Variants in ITGA8 observed in about 807,000 individuals in gnomAD.
ITGA8 encodes integrin alpha-8.
A neutral mutation model predicts 142.3 loss-of-function variants in ITGA8; 91 were observed. The ratio of observed to expected loss-of-function variants is 0.64; its 90% CI spans 0.54 to 0.76. ITGA8 has a LOEUF of 0.76. ITGA8 is among the 30% of genes least tolerant of loss of function. The pLI is 0.00. For missense variants in ITGA8, 1,406 were observed against 1,327.7 expected (o/e 1.06, Z -0.92); for synonymous variants, 505 against 485.2 (o/e 1.04, Z -0.54).
chr10:15,639,624 G>A (rs907985537), intron 13 of ITGA8, among the ~76,000 whole-genome samples: 3 of 152,224 alleles, frequency 2.0e-5, no homozygotes, highest in Non-Finnish European at 2.9e-5. Context: ...CTCTGCATCA[G>A]GATCTGCAAT....
chr10:15,531,326 C>T lies in ITGA8; in HGVS notation c.2881-175G>A, dbSNP rs1588627250. Among the ~76,000 whole-genome samples the T allele has an allele frequency of 2.0e-5, 3 of 152,172 alleles. No individual in the cohort carries two copies. The South Asian group carries it at 6.2e-4, about 32-fold the overall frequency. On this transcript the variant is annotated intron_variant, in intron 27 of 29. Transcript: ENST00000378076. ...CCCACCCAAGCATTCATCCATCCAC[C>T]CACACATCCATGCATCCATGCATCC...
Position 15,531,041 on chromosome 10 carries a change from G to C in ITGA8, c.2982+9C>G. 1 of 1,284,286 alleles carries C rather than the reference G, an allele frequency of 7.8e-7. No homozygotes were observed. The allele number at this position is 1,284,286 out of a possible 1,614,324, so 79.6% of individuals were successfully genotyped here. A position where few individuals can be genotyped will look rare whatever the true frequency, so the allele number is the denominator to read the frequency against. On this transcript the variant is annotated intron_variant, in intron 28 of 29. Transcript: ENST00000378076. The stretch of plus-strand genomic sequence containing the variant: ...TTATTTGTGCCTATATATATTTAAA[G>C]ATACTCACTACTATGCTTCCTTCTG...
chr10:15,608,592 T>C (rs186154931), intron 15 of ITGA8, among the ~76,000 whole-genome samples: 47 of 152,176 alleles, frequency 3.1e-4, no homozygotes, highest in African/African-American at 1.1e-3. Context: ...TGAATACAGG[T>C]CAGTATCTTC....
chr10:15,652,349 G>A (rs1278964039), intron 11 of ITGA8, among the ~76,000 whole-genome samples: 7 of 152,166 alleles, frequency 4.6e-5, no homozygotes, highest in Non-Finnish European at 8.8e-5. Context: ...AGAACACATG[G>A]AATGAATCCG....
At chr10:15,666,171 G>C (rs1266784336) in intron 8 of ITGA8, among the ~76,000 whole-genome samples, 1 of 152,086 alleles carries the variant, frequency 6.6e-6, no homozygotes, top group Non-Finnish European at 1.5e-5. Flanking sequence ...TCTTCCATTT[G>C]TTTGTATCCT....
intron 23 of ITGA8, among the ~76,000 whole-genome samples, chr10:15,581,679 T>C (rs1834409483): frequency 6.6e-6 from 1 of 152,208 alleles, no homozygotes; most frequent in South Asian, 2.1e-4. Context: ...AACATAGTTT[T>C]ATAGAAGATA....
chr10:15,642,827 G>T (rs550916744), intron 13 of ITGA8, among the ~76,000 whole-genome samples: 2 of 152,282 alleles, frequency 1.3e-5, no homozygotes, highest in South Asian at 4.1e-4. Context: ...CCAAAGGCCT[G>T]AAATTAATGA....
Position 15,637,133 on chromosome 10 carries a change from A to G in ITGA8, c.1399+6897T>C, listed in dbSNP as rs557797126. Among the ~76,000 whole-genome samples, 66 of 152,332 alleles carry G rather than the reference A, an allele frequency of 4.3e-4. No individual in the cohort carries two copies. In the South Asian group the frequency reaches 0.014, roughly 32 times the overall value. On this transcript the variant is annotated intron_variant, in intron 13 of 29. Transcript: ENST00000378076. ...GCACTCCAACCTGGGCGATAGAGTG[A>G]GACTCTGTCTCTAAATCAGATTTTA...
At chr10:15,601,791 A>T (rs1833109123) in intron 20 of ITGA8, among the ~76,000 whole-genome samples, 1 of 152,208 alleles carries the variant, frequency 6.6e-6, no homozygotes, top group Admixed American at 6.5e-5. Context: ...TTACAATCAG[A>T]TAATGCCTAA....
chr10:15,657,170 TGAG>T (rs1337809140), intron 10 of ITGA8, among the ~76,000 whole-genome samples: 2 of 152,210 alleles, frequency 1.3e-5, no homozygotes, highest in African/African-American at 4.8e-5. Flanking sequence ...TAGGTGGTAT[TGAG>T]GAGAGGAAGT....
At chr10:15,633,705 C>T (rs553043745) in intron 13 of ITGA8, among the ~76,000 whole-genome samples, 54 of 152,284 alleles carry the variant, frequency 3.5e-4, no homozygotes, top group African/African-American at 1.2e-3. Flanking sequence ...CAGGCACGAG[C>T]CACCATGCCC....
chr10:15,661,954 T>C (rs1235354768), intron 8 of ITGA8, among the ~76,000 whole-genome samples: 1 of 152,174 alleles, frequency 6.6e-6, no homozygotes, highest in Non-Finnish European at 1.5e-5. Flanking sequence ...CAATCAGATA[T>C]AATAGGGTTG....
At chr10:15,563,038 G>T (rs1423995940) in intron 25 of ITGA8, among the ~76,000 whole-genome samples, 3 of 152,142 alleles carry the variant, frequency 2.0e-5, no homozygotes, top group Non-Finnish European at 2.9e-5. Context: ...GTTTAAAAGT[G>T]TGTGGCACTC....
intron 25 of ITGA8, 23 bp downstream of exon 25, chr10:15,572,188 C>T: frequency 1.3e-6 from 2 of 1,539,800 alleles, no homozygotes; most frequent in Non-Finnish European, 1.8e-6. Flanking sequence ...TCAACAAAGC[C>T]ACTGATTAGA....
At chr10:15,549,486 C>T (rs9333278) in intron 26 of ITGA8, among the ~76,000 whole-genome samples, 2,837 of 152,252 alleles carry the variant, frequency 0.019, 42 homozygotes, top group Non-Finnish European at 0.026. Context: ...GTTGGGATTA[C>T]AGGCATGAAC....
At chr10:15,571,670 T>A (rs1834185262) in intron 25 of ITGA8, among the ~76,000 whole-genome samples, 1 of 152,078 alleles carries the variant, frequency 6.6e-6, no homozygotes, top group African/African-American at 2.4e-5. Context: ...GACAGCCAGG[T>A]GATTCAGAGG....
intron 11 of ITGA8, 152 bp from the exon 12 acceptor site, chr10:15,647,203 T>C (rs2131653187): frequency 3.2e-6 from 2 of 617,538 alleles, no homozygotes; most frequent in Non-Finnish European, 5.7e-6. Context: ...GCTGCTTTGT[T>C]ATATCTATGG....
At chr10:15,599,542 C>A (rs761807596) in intron 20 of ITGA8, among the ~76,000 whole-genome samples, 2 of 151,930 alleles carry the variant, frequency 1.3e-5, no homozygotes, top group African/African-American at 2.4e-5. Flanking sequence ...CAAAGGAGGA[C>A]CTGCACATAG....
At chr10:15,667,635 T>C (rs571821244) in intron 8 of ITGA8, among the ~76,000 whole-genome samples, 1 of 152,248 alleles carries the variant, frequency 6.6e-6, no homozygotes, top group East Asian at 1.9e-4. Flanking sequence ...AGATCTTTCC[T>C]GCTTTCTCTT....
Sources: gnomAD v4.1 joint callset for allele counts (sites outside exome capture counted in the v4.1 genomes callset) on GRCh38, gnomAD v4.1.1 for gene constraint, MANE v1.5 for transcripts, NCBI Gene and HGNC (gene_info 2026-07-23, HGNC 2026-07-21) for gene names.